KIF5C: variants seen among roughly 807,000 people sequenced by gnomAD.
KIF5C encodes the protein kinesin heavy chain isoform 5C.
In KIF5C, 18 loss-of-function variants were observed where a neutral mutation model predicts 125.2. That is an observed-to-expected ratio of 0.14 (90% confidence interval 0.10 to 0.21). The LOEUF is 0.21. Ranked by LOEUF, KIF5C falls within the 10% of genes least tolerant of loss-of-function variation. The pLI is 1.00. For synonymous variants in KIF5C, 405 were observed against 434.0 expected, an observed-to-expected ratio of 0.93 and a Z score of 0.83; for missense variants, 780 against 1,183.8, an observed-to-expected ratio of 0.66 and a Z score of 5.01.
rs557396273 is a variant in KIF5C at position 148,942,012 on chromosome 2, T to G, written c.501+22T>G. On this transcript the variant is annotated intron_variant, in intron 6 of 25. Transcript: ENST00000435030. ...AAAGGTATGAGGAAGATTTGATTGG[T>G]GATGCAATTAATTTCTCTCCAGTCT... The G allele has an allele frequency of 2.0e-4, 323 of 1,606,998 alleles. 1 individual carries two copies. In the East Asian group the frequency reaches 7.1e-3, roughly 35 times the overall value.
chr2:148,949,742 A>G lies in KIF5C; in HGVS notation c.715-97A>G, dbSNP rs575664497. On this transcript the variant is annotated intron_variant, in intron 8 of 25. Coordinates refer to ENST00000435030, the MANE Select transcript of KIF5C (RefSeq NM_004522.3). Reference sequence around the variant, plus strand: ...CTACTTTTATTTTTCCTTGCTTTCCAGGAGGCTGTCCCCCTTTGCCCTCGT... The same window carrying G: ...CTACTTTTATTTTTCCTTGCTTTCCGGGAGGCTGTCCCCCTTTGCCCTCGT... 1.5e-5 allele frequency: 22 copies of G among 1,466,718 alleles called. No individual in the cohort carries two copies. The African/African-American group carries it at 2.3e-4, about 15-fold the overall frequency. 90.9% of individuals were successfully genotyped at this position (1,466,718 alleles called of 1,614,324 possible).
chr2:149,011,511 G>A, intron 24 of KIF5C, 59 bp from the exon 25 acceptor site: 1 of 1,599,996 alleles, frequency 6.3e-7, no homozygotes, highest in South Asian at 1.1e-5. Flanking sequence ...AGATATCAGG[G>A]TTGCTGTTAA....
At chr2:148,907,465 AG>A (rs2105062997) in intron 1 of KIF5C, among the ~76,000 whole-genome samples, 1 of 152,392 alleles carries the variant, frequency 6.6e-6, no homozygotes, top group Non-Finnish European at 1.5e-5. Flanking sequence ...GCATTAACCC[AG>A]GAGGCTGAAG....
In KIF5C at chr2:148,983,769, A is replaced by G; in HGVS notation, c.1716+3A>G. Reference sequence around the variant, plus strand: ...TTGGCACCAATGATGTGAAAACTGTAAGCCAGCCCTTCTTTTATCCTCTCT... The same window carrying G: ...TTGGCACCAATGATGTGAAAACTGTGAGCCAGCCCTTCTTTTATCCTCTCT... On this transcript the variant is annotated splice_donor_region_variant and intron_variant, in intron 15 of 25. Transcript: ENST00000435030. 6.3e-7 allele frequency: 1 copy of G among 1,596,822 alleles called. No individual in the cohort carries two copies. Among genetic ancestry groups the G allele is most frequent in the Non-Finnish European group, 8.5e-7 (1 of 1,170,268 alleles).
Position 148,983,735 on chromosome 2 carries a change from G to T in KIF5C, c.1685G>T (p.Gly562Val), listed in dbSNP as rs1366898803. The change falls in exon 15 of 26, where the codon GGT (glycine) becomes GTT (valine). Residue 562 changes from glycine (G) to valine (V), a missense_variant. Physicochemically the swap from Gly to Val is moderately radical, Grantham distance 109. Transcript: ENST00000435030. ...CTGTTGAAAGATCTGGGGGAGATAGGTGGAATTATTGGCACCAATGATGTG... is the reference window on the plus strand; with the variant it reads ...CTGTTGAAAGATCTGGGGGAGATAGTTGGAATTATTGGCACCAATGATGTG... ...NLLLKDLGEI[G>V]GIIGTNDVKT... is the part of the protein sequence containing the mutation. The T allele has an allele frequency of 5.6e-6, 9 of 1,610,296 alleles. No individual in the cohort carries two copies. Among genetic ancestry groups the T allele is most frequent in the Admixed American group, 1.7e-5 (1 of 59,400 alleles).
At chr2:148,916,657 A>G (rs897194185) in intron 1 of KIF5C, among the ~76,000 whole-genome samples, 2 of 152,062 alleles carry the variant, frequency 1.3e-5, no homozygotes, top group Non-Finnish European at 2.9e-5. Context: ...TTTTAAAAAC[A>G]GAATGACACT....
chr2:148,892,263 T>A (rs1170760716), intron 1 of KIF5C, among the ~76,000 whole-genome samples: 2 of 152,226 alleles, frequency 1.3e-5, no homozygotes, highest in African/African-American at 4.8e-5. Flanking sequence ...GAGGCACTAG[T>A]TCTTTGAGAT....
intron 2 of KIF5C, among the ~76,000 whole-genome samples, chr2:148,922,537 G>A (rs528512551): frequency 6.6e-5 from 10 of 152,234 alleles, no homozygotes; most frequent in South Asian, 4.2e-4. Flanking sequence ...TAAAACACTG[G>A]CTGCAGGTAT....
chr2:148,978,908 A>T lies in KIF5C; in HGVS notation c.1294-14A>T, dbSNP rs772225430. On this transcript the variant is annotated splice_polypyrimidine_tract_variant and intron_variant, in intron 12 of 25. Transcript: ENST00000435030. ...ATAACTAACCAAAAAAACAAACATG[A>T]TGTTTCGTTTCAGGATGATGAAATT... The T allele has an allele frequency of 3.5e-5, 56 of 1,581,712 alleles. No individual in the cohort carries two copies. The Admixed American group carries it at 1.0e-3, about 29-fold the overall frequency.
At chr2:149,019,818 C>T (rs1682478783) in intron 25 of KIF5C, among the ~76,000 whole-genome samples, 1 of 152,240 alleles carries the variant, frequency 6.6e-6, no homozygotes, top group Admixed American at 6.5e-5. Context: ...TGAAAACGGT[C>T]TCTAAATACT....
In KIF5C at chr2:149,002,806, C is replaced by A. The variant is rs1205272976; in HGVS notation, c.2373+2024C>A. Among the ~76,000 whole-genome samples the A allele has an allele frequency of 2.0e-5, 3 of 152,370 alleles. No homozygotes were observed. The South Asian group carries it at 6.2e-4, about 32-fold the overall frequency. On this transcript the variant is annotated intron_variant, in intron 21 of 25. Coordinates refer to ENST00000435030, the MANE Select transcript of KIF5C (RefSeq NM_004522.3). ...ACTCATTTCCATGCTCACGGACTCA[C>A]ATGCTTTCTCCTCTCATACACTCAG...
Position 149,001,085 on chromosome 2 carries a change from T to C in KIF5C, c.2373+303T>C, listed in dbSNP as rs12471367. ...ACTTCCACTCAACATTCAACAGATA[T>C]TTATTGAGCATCTCCTAACGGCTGG... On this transcript the variant is annotated intron_variant, in intron 21 of 25. Transcript: ENST00000435030. 0.5 allele frequency among the ~76,000 whole-genome samples: 75,488 copies of C among 152,102 alleles called. 19,564 individuals are homozygous for C. The highest frequency in any genetic ancestry group is 0.58 in the South Asian group (2,814 of 4,828).
chr2:148,944,854 G>C (rs1574774233), intron 7 of KIF5C, among the ~76,000 whole-genome samples: 2 of 152,126 alleles, frequency 1.3e-5, no homozygotes, highest in African/African-American at 4.8e-5. Context: ...CAAATGGTGT[G>C]AAGTGCTGTT....
chr2:148,885,254 A>G (rs531347906), intron 1 of KIF5C, among the ~76,000 whole-genome samples: 129 of 152,246 alleles, frequency 8.5e-4, no homozygotes, highest in African/African-American at 2.8e-3. Context: ...CCAAAGTGCT[A>G]GGATTATAGG....
intron 8 of KIF5C, among the ~76,000 whole-genome samples, chr2:148,949,130 C>T (rs578011196): frequency 6.6e-6 from 1 of 152,178 alleles, no homozygotes; most frequent in Non-Finnish European, 1.5e-5. Flanking sequence ...TTTTTTCTAG[C>T]ATCTGTAAAC....
rs371343902 is a variant in KIF5C, at chr2:148,880,954, G to GTTT, written c.126+5226_126+5228dup. Among the ~76,000 whole-genome samples the GTTT allele has an allele frequency of 3.8e-3, 493 of 129,202 alleles. 1 individual carries two copies. Among genetic ancestry groups the GTTT allele is most frequent in the African/African-American group, 0.013 (472 of 35,042 alleles). 84.8% of individuals were successfully genotyped at this position (129,202 alleles called of 152,430 possible). A position where few individuals can be genotyped will look rare whatever the true frequency, so the allele number is the denominator to read the frequency against. On this transcript the variant is annotated intron_variant, in intron 1 of 25. Transcript: ENST00000435030. Reference sequence around the variant, plus strand: ...GATTCACTAGCTAAAAAAAAACCTAGTTTTTTTTTTTTTTTTTCAAGTTGC... The same window carrying GTTT: ...GATTCACTAGCTAAAAAAAAACCTAGTTTTTTTTTTTTTTTTTTTTCAAGTTGC...
At chr2:148,971,290 GTCTATCTATCTATCTATCTATCTA>G (rs753154563) in intron 11 of KIF5C, among the ~76,000 whole-genome samples, 13 of 137,322 alleles carry the variant, frequency 9.5e-5, no homozygotes, top group African/African-American at 3.4e-4. Context: ...CTGTCTGTCT[GTCTATCTATCTATCTATCTATCTA>G]TCTATCTATC....
chr2:149,000,588 G>A, intron 20 of KIF5C, 64 bp downstream of exon 20: 2 of 1,558,710 alleles, frequency 1.3e-6, no homozygotes, highest in Non-Finnish European at 1.7e-6. Flanking sequence ...GTTAGATTGG[G>A]CTAATTTAAA....
At chr2:149,006,749 A>C (rs1258397630) in intron 22 of KIF5C, among the ~76,000 whole-genome samples, 1 of 152,220 alleles carries the variant, frequency 6.6e-6, no homozygotes, top group African/African-American at 2.4e-5. Flanking sequence ...CACAGACCAA[A>C]ACACAAATGA....
Sources: allele counts gnomAD v4.1 joint callset (sites outside exome capture counted in the v4.1 genomes callset), GRCh38; gene constraint gnomAD v4.1.1; transcripts MANE v1.5; gene names NCBI Gene and HGNC (gene_info 2026-07-23, HGNC 2026-07-21).